Variants in ZNF608 observed in about 807,000 individuals in gnomAD.
ZNF608 encodes renal carcinoma antigen NY-REN-36.
A neutral mutation model predicts 109.0 loss-of-function variants in ZNF608; 12 were observed. That is an observed-to-expected ratio of 0.11 (90% confidence interval 0.07 to 0.18). The LOEUF (loss-of-function observed/expected upper bound fraction) is 0.18. Among genes scored for constraint, ZNF608 ranks in the 10% least tolerant of loss-of-function variants. ZNF608 has a pLI of 1.00. For missense variants in ZNF608, 1,707 were observed against 1,879.3 expected (o/e 0.91, Z 1.70); for synonymous variants, 732 against 717.4 (o/e 1.02, Z -0.33).
At chr5:124,670,190 G>A (rs544733509) in intron 3 of ZNF608, among the ~76,000 whole-genome samples, 2 of 152,102 alleles carry the variant, frequency 1.3e-5, no homozygotes, top group Non-Finnish European at 2.9e-5. Flanking sequence ...AAAAGATGAC[G>A]GAGCCCAGCA....
intron 2 of ZNF608, among the ~76,000 whole-genome samples, chr5:124,726,741 CA>C (rs1561586829): frequency 1.3e-5 from 2 of 151,430 alleles, no homozygotes; most frequent in Non-Finnish European, 2.9e-5. Flanking sequence ...AGCTAAAATC[CA>C]AATTCCTTAC....
rs201912469 is a variant in ZNF608 at position 124,745,082 on chromosome 5, GA to G, written c.-94del. On this transcript the variant is annotated 5_prime_UTR_variant, in exon 2 of 10. Coordinates refer to ENST00000513986, the MANE Select transcript of ZNF608 (RefSeq NM_020747.3). ...TATCTCCGCTGGGCTTTCTCTCAAA[GA>G]AAAAAAAAATCTTCTAATCTTCCTC... 232 of 1,426,436 alleles carry G rather than the reference GA, an allele frequency of 1.6e-4. No individual in the cohort carries two copies. Among genetic ancestry groups the G allele is most frequent in the Admixed American group, 5.5e-4 (21 of 38,134 alleles). The allele number at this position is 1,426,436 out of a possible 1,614,324, so 88.4% of individuals were successfully genotyped here.
chr5:124,665,689 A>G (rs1283251331), intron 3 of ZNF608, among the ~76,000 whole-genome samples: 1 of 152,248 alleles, frequency 6.6e-6, no homozygotes, highest in Non-Finnish European at 1.5e-5. Context: ...GTAGCCATCC[A>G]GTTTTACTGG....
chr5:124,694,038 C>T (rs1379611721), intron 3 of ZNF608, among the ~76,000 whole-genome samples: 11 of 117,288 alleles, frequency 9.4e-5, no homozygotes, highest in Admixed American at 7.8e-4. Flanking sequence ...TGCAGTGGCG[C>T]GATCTCGGCT....
In ZNF608 at chr5:124,648,100, T is replaced by A; in HGVS notation, c.2284A>T (p.Thr762Ser). The A allele has an allele frequency of 6.2e-7, 1 of 1,610,546 alleles. No individual in the cohort carries two copies. Among genetic ancestry groups the A allele is most frequent in the Non-Finnish European group, 8.5e-7 (1 of 1,179,096 alleles). ...IPTATFTTTT[T>S]GTIPGLPSLT... Reference sequence around the variant, plus strand: ...GAGGGCAGTCCGGGTATTGTCCCAGTGGTGGTCGTTGTAAAGGTTGCAGTG... The same window carrying A: ...GAGGGCAGTCCGGGTATTGTCCCAGAGGTGGTCGTTGTAAAGGTTGCAGTG... The change falls in exon 5 of 10, where the codon ACT (threonine) becomes TCT (serine). Residue 762 changes from threonine to serine, a missense_variant. Thr to Ser is a moderately conservative substitution (Grantham distance 58). Coordinates refer to ENST00000513986, the MANE Select transcript of ZNF608 (RefSeq NM_020747.3).
rs61752317 is a variant in ZNF608 at position 124,649,627 on chromosome 5, G to A, written c.1233C>T (p.His411=). Residue 411 remains histidine, a synonymous_variant, in exon 4 of 10, where the codon CAC becomes CAT. Transcript: ENST00000513986. Reference sequence around the variant, plus strand: ...GTTCATACCTGGGAGGGGCCCAGTCGTGCTTGGTGCAGTCCAGTAGGGTTC... The same window carrying A: ...GTTCATACCTGGGAGGGGCCCAGTCATGCTTGGTGCAGTCCAGTAGGGTTC... ...YVGTLLDCTK[H]DWAPPRFCES... The A allele has an allele frequency of 0.017, 27,548 of 1,611,736 alleles. 311 individuals are homozygous for A. The highest frequency in any genetic ancestry group is 0.028 in the Middle Eastern group (166 of 6,026).
intron 3 of ZNF608, among the ~76,000 whole-genome samples, chr5:124,682,547 A>T (rs1341243147): frequency 6.6e-6 from 1 of 152,270 alleles, no homozygotes; most frequent in Non-Finnish European, 1.5e-5. Flanking sequence ...TGCCTAAGCA[A>T]TCAGTCCAGA....
intron 3 of ZNF608, among the ~76,000 whole-genome samples, chr5:124,676,419 G>A (rs1751947481): frequency 6.6e-6 from 1 of 152,186 alleles, no homozygotes; most frequent in African/African-American, 2.4e-5. Flanking sequence ...CAGAAGCAAT[G>A]ACTTATCTAG....
intron 3 of ZNF608, among the ~76,000 whole-genome samples, chr5:124,680,291 C>T (rs541083663): frequency 4.9e-4 from 74 of 149,974 alleles, no homozygotes; most frequent in African/African-American, 1.5e-3. Flanking sequence ...GAAATTACAA[C>T]AAAGAAATGT....
At chr5:124,641,486 G>A (rs993196414) in intron 7 of ZNF608, 81 bp from the exon 8 acceptor site, 5 of 1,382,306 alleles carry the variant, frequency 3.6e-6, no homozygotes, top group South Asian at 1.5e-5. Context: ...TTGTCCCTTC[G>A]ACAATATTGT....
chr5:124,667,545 G>A (rs192093577), intron 3 of ZNF608, among the ~76,000 whole-genome samples: 97 of 152,292 alleles, frequency 6.4e-4, no homozygotes, highest in Admixed American at 2.4e-3. Context: ...GGTCTTCGAT[G>A]TTGAAATTCC....
intron 3 of ZNF608, among the ~76,000 whole-genome samples, chr5:124,697,618 G>A (rs923479900): frequency 6.6e-6 from 1 of 152,098 alleles, no homozygotes; most frequent in Non-Finnish European, 1.5e-5. Flanking sequence ...TTTCCAGAGG[G>A]AACTTCACTA....
chr5:124,686,633 G>A (rs1159377959), intron 3 of ZNF608, among the ~76,000 whole-genome samples: 2 of 152,220 alleles, frequency 1.3e-5, no homozygotes, highest in African/African-American at 4.8e-5. Context: ...ATGAAGCTGA[G>A]GAAAACAGTG....
At chr5:124,674,284 A>C (rs1751846567) in intron 3 of ZNF608, among the ~76,000 whole-genome samples, 2 of 152,214 alleles carry the variant, frequency 1.3e-5, no homozygotes, top group Non-Finnish European at 2.9e-5. Context: ...GTGGTTCAAA[A>C]ACCGCTGCAC....
At chr5:124,679,536 C>T (rs1752105223) in intron 3 of ZNF608, among the ~76,000 whole-genome samples, 1 of 151,504 alleles carries the variant, frequency 6.6e-6, no homozygotes, top group African/African-American at 2.4e-5. Context: ...CATACATGGA[C>T]AAGAGAGAGA....
chr5:124,641,378 C>A lies in ZNF608; in HGVS notation c.4324G>T (p.Glu1442Ter). 6.2e-7 allele frequency: 1 copy of A among 1,613,940 alleles called. No individual in the cohort carries two copies. Residue 1442 changes from glutamate (E) to a stop codon, truncating the protein, a stop_gained, in exon 8 of 10, where the codon GAA becomes TAA. Transcript: ENST00000513986. LOFTEE classifies it high-confidence loss of function. ...APVEKATAEREREAERERDRH... is the reference protein window; with the variant it reads ...APVEKATAER ...TCCCTTTCCCTTTCTGCCTCCCGTT[C>A]CCGCTCAGCTGTAGCCTTTTCCACA...
At chr5:124,661,304 G>A (rs1204003840) in intron 3 of ZNF608, among the ~76,000 whole-genome samples, 1 of 152,058 alleles carries the variant, frequency 6.6e-6, no homozygotes, top group Admixed American at 6.6e-5. Flanking sequence ...CCCCAGTACC[G>A]TGACAACAGA....
intron 3 of ZNF608, among the ~76,000 whole-genome samples, chr5:124,680,497 G>T (rs1223642545): frequency 1.3e-5 from 2 of 152,126 alleles, no homozygotes; most frequent in Non-Finnish European, 2.9e-5. Flanking sequence ...ACTGATAAAA[G>T]CAAGAGAAAA....
At position 124,646,911 on chromosome 5, in the gene ZNF608, G is replaced by A. The variant is rs761615973; in HGVS notation, c.3473C>T (p.Ser1158Phe). 4.3e-6 allele frequency: 7 copies of A among 1,613,982 alleles called. No homozygotes were observed. The South Asian group carries it at 7.7e-5, about 18-fold the overall frequency. The change falls in exon 5 of 10, where the codon TCT becomes TTT. Residue 1158 changes from serine to phenylalanine, a missense_variant. Coordinates refer to ENST00000513986, the MANE Select transcript of ZNF608 (RefSeq NM_020747.3). ...MPSATISKAP[S>F]TPEPNKNHSK... Reference sequence around the variant, plus strand: ...ATGGTTTTTGTTAGGCTCCGGAGTAGAGGGAGCTTTTGAGATTGTGGCCGA... The same window carrying A: ...ATGGTTTTTGTTAGGCTCCGGAGTAAAGGGAGCTTTTGAGATTGTGGCCGA...
Sources: gnomAD v4.1 joint callset for allele counts (sites outside exome capture counted in the v4.1 genomes callset) on GRCh38, gnomAD v4.1.1 for gene constraint, MANE v1.5 for transcripts, NCBI Gene and HGNC (gene_info 2026-07-23, HGNC 2026-07-21) for gene names.